NTNG1: variants seen among roughly 807,000 people sequenced by gnomAD.
NTNG1 encodes netrin-G1.
NTNG1 carries 16 observed loss-of-function variants against 54.0 expected under a neutral mutation model. The ratio of observed to expected loss-of-function variants is 0.30; its 90% CI spans 0.20 to 0.45. The LOEUF is 0.45. NTNG1 is among the 20% of genes least tolerant of loss of function. The probability of loss-of-function intolerance (pLI) is 1.00; values close to 1 mark genes in which losing one functional copy is unlikely to be tolerated. For synonymous variants in NTNG1, 255 were observed against 263.1 expected (o/e 0.97, Z 0.30); for missense variants, 530 against 678.7 (o/e 0.78, Z 2.43).
In NTNG1 at chr1:107,406,392, G is replaced by A. The variant is rs118104799; in HGVS notation, c.1061-1290G>A. The stretch of plus-strand genomic sequence containing the variant: ...TCTGAACAACTCATTAACAGCTACC[G>A]TTTATTGGCCGCACACCATGTGTCA... On this transcript the variant is annotated intron_variant, in intron 4 of 7. Transcript: ENST00000370068. 4.3e-4 allele frequency among the ~76,000 whole-genome samples: 65 copies of A among 152,232 alleles called. No homozygotes were observed. In the East Asian group the frequency reaches 0.01, roughly 24 times the overall value.
At chr1:107,476,646 C>A (rs1305356109) in intron 7 of NTNG1, among the ~76,000 whole-genome samples, 1 of 152,190 alleles carries the variant, frequency 6.6e-6, no homozygotes, top group African/African-American at 2.4e-5. Context: ...TCCTTCCCTT[C>A]ACCATTGTTC....
intron 3 of NTNG1, among the ~76,000 whole-genome samples, chr1:107,358,250 A>C (rs1246176686): frequency 6.6e-6 from 1 of 152,094 alleles, no homozygotes; most frequent in Admixed American, 6.6e-5. Flanking sequence ...ATTAAGTGCT[A>C]CCTCTACTTG....
rs1267737753 is a variant in NTNG1 at position 107,479,505 on chromosome 1, A to G, written c.1391-1106A>G. ...ATTTTTAAAAATGGAAAATGTTACA[A>G]TTTATAAAAAGCTACTTTTTCTGCT... On this transcript the variant is annotated intron_variant, in intron 7 of 7. Coordinates refer to ENST00000370068, the MANE Select transcript of NTNG1 (RefSeq NM_001113226.3). 2.0e-5 allele frequency among the ~76,000 whole-genome samples: 3 copies of G among 152,244 alleles called. No individual in the cohort carries two copies. In the East Asian group the frequency reaches 5.8e-4, roughly 29 times the overall value.
chr1:107,209,039 T>C (rs1659419772), intron 2 of NTNG1, among the ~76,000 whole-genome samples: 1 of 152,152 alleles, frequency 6.6e-6, no homozygotes, highest in Non-Finnish European at 1.5e-5. Flanking sequence ...AGCTTCTTTA[T>C]GTGGTTTCTG....
chr1:107,313,311 G>A (rs967639336), intron 2 of NTNG1, among the ~76,000 whole-genome samples: 5 of 152,194 alleles, frequency 3.3e-5, no homozygotes, highest in African/African-American at 7.2e-5. Context: ...TACCTGCCTC[G>A]TTTGGACCCA....
intron 3 of NTNG1, among the ~76,000 whole-genome samples, chr1:107,361,360 CATATATATATATACATAT>C (rs1180855027): frequency 3.7e-5 from 4 of 109,336 alleles, no homozygotes; most frequent in Admixed American, 1.2e-4. Context: ...CATTATATAA[CATATATATATATACATAT>C]ATATATATAT....
intron 5 of NTNG1, among the ~76,000 whole-genome samples, chr1:107,410,812 C>T (rs1462923862): frequency 6.6e-6 from 1 of 151,946 alleles, no homozygotes; most frequent in Non-Finnish European, 1.5e-5. Flanking sequence ...ATCTTTGGTC[C>T]TGAAAAGCAA....
At chr1:107,181,335 A>G (rs1208267868) in intron 2 of NTNG1, among the ~76,000 whole-genome samples, 1 of 152,204 alleles carries the variant, frequency 6.6e-6, no homozygotes, top group African/African-American at 2.4e-5. Flanking sequence ...CCCTTGGTTC[A>G]CATCTATCAG....
At chr1:107,208,440 A>AG (rs1557810664) in intron 2 of NTNG1, among the ~76,000 whole-genome samples, 377 of 151,156 alleles carry the variant, frequency 2.5e-3, no homozygotes, top group African/African-American at 8.9e-3. Flanking sequence ...CAAAAAAAAA[A>AG]AAAAGAAAGA....
intron 7 of NTNG1, among the ~76,000 whole-genome samples, chr1:107,453,365 C>G (rs1676737987): frequency 6.6e-6 from 1 of 152,180 alleles, no homozygotes. Flanking sequence ...TCATCTAAAA[C>G]TTCATCCAGA....
chr1:107,243,760 C>T (rs962547650), intron 2 of NTNG1, among the ~76,000 whole-genome samples: 1 of 152,018 alleles, frequency 6.6e-6, no homozygotes, highest in Non-Finnish European at 1.5e-5. Flanking sequence ...TATGTCTCAA[C>T]AGACTGAGAG....
intron 3 of NTNG1, among the ~76,000 whole-genome samples, chr1:107,365,140 C>T (rs1269727623): frequency 6.6e-6 from 1 of 152,096 alleles, no homozygotes; most frequent in Admixed American, 6.6e-5. Flanking sequence ...GCTCACATTA[C>T]AGCTATATTA....
chr1:107,475,631 G>T (rs1189958667), intron 7 of NTNG1, among the ~76,000 whole-genome samples: 2 of 152,132 alleles, frequency 1.3e-5, no homozygotes, highest in South Asian at 2.1e-4. Context: ...CTATCTTCCT[G>T]ATCTAGAAAT....
intron 3 of NTNG1, among the ~76,000 whole-genome samples, chr1:107,354,096 C>G (rs1438730054): frequency 3.3e-5 from 5 of 152,074 alleles, no homozygotes; most frequent in Admixed American, 3.3e-4. Flanking sequence ...TGTCAATGAC[C>G]CTGAAGTGAG....
chr1:107,224,026 C>T (rs1013615349), intron 2 of NTNG1, among the ~76,000 whole-genome samples: 1 of 152,162 alleles, frequency 6.6e-6, no homozygotes, highest in African/African-American at 2.4e-5. Flanking sequence ...TTAATTAGAG[C>T]ACGAAGTCAC....
chr1:107,244,043 C>T (rs986372599), intron 2 of NTNG1, among the ~76,000 whole-genome samples: 12 of 152,114 alleles, frequency 7.9e-5, no homozygotes, highest in African/African-American at 2.9e-4. Context: ...TCTTTCAATC[C>T]ATGGCAATAA....
chr1:107,433,027 C>T (rs1232517032), intron 6 of NTNG1, among the ~76,000 whole-genome samples: 1 of 152,064 alleles, frequency 6.6e-6, no homozygotes, highest in Admixed American at 6.6e-5. Flanking sequence ...AGATAAACTA[C>T]AGAAGAAATA....
intron 4 of NTNG1, among the ~76,000 whole-genome samples, chr1:107,401,725 G>T (rs1254086652): frequency 6.7e-6 from 1 of 149,602 alleles, no homozygotes; most frequent in Non-Finnish European, 1.5e-5. Context: ...GAATAATAAA[G>T]TTCAGGGCCT....
At chr1:107,217,764 TC>T (rs1227339381) in intron 2 of NTNG1, among the ~76,000 whole-genome samples, 2 of 152,144 alleles carry the variant, frequency 1.3e-5, no homozygotes, top group African/African-American at 4.8e-5. Flanking sequence ...TTTTGAGGGT[TC>T]CTTTGGAGTT....
Sources: gnomAD v4.1 joint callset for allele counts (sites outside exome capture counted in the v4.1 genomes callset) on GRCh38, gnomAD v4.1.1 for gene constraint, MANE v1.5 for transcripts, NCBI Gene and HGNC (gene_info 2026-07-23, HGNC 2026-07-21) for gene names.